ANKRD6: variants seen among roughly 807,000 people sequenced by gnomAD.
ANKRD6 encodes ankyrin repeat domain 6.
Under a neutral mutation model 82.3 loss-of-function variants are expected in ANKRD6, and 56 were observed. That is an observed-to-expected ratio of 0.68 (90% confidence interval 0.55 to 0.85). The LOEUF (loss-of-function observed/expected upper bound fraction) is 0.85, where lower values mean the gene tolerates loss of function less well. Ranked by LOEUF, ANKRD6 falls within the 40% of genes least tolerant of loss-of-function variation. The probability of loss-of-function intolerance (pLI) is 0.00; values close to 1 mark genes in which losing one functional copy is unlikely to be tolerated. For synonymous variants in ANKRD6, 347 were observed against 352.1 expected, an observed-to-expected ratio of 0.99 and a Z score of 0.16; for missense variants, 852 against 907.6, an observed-to-expected ratio of 0.94 and a Z score of 0.79.
At chr6:89,610,110 T>G (rs1799843844) in intron 5 of ANKRD6, among the ~76,000 whole-genome samples, 1 of 152,200 alleles carries the variant, frequency 6.6e-6, no homozygotes, top group African/African-American at 2.4e-5. Flanking sequence ...ATATCTACCC[T>G]AGGTCACATT....
intron 12 of ANKRD6, 59 bp from the exon 13 acceptor site, chr6:89,624,480 A>T (rs1212869513): frequency 6.5e-7 from 1 of 1,536,822 alleles, no homozygotes; most frequent in African/African-American, 1.4e-5. Context: ...GATGGTGCTC[A>T]AAACATACCT....
chr6:89,582,734 A>C (rs1245624434), intron 2 of ANKRD6, among the ~76,000 whole-genome samples: 1 of 151,376 alleles, frequency 6.6e-6, no homozygotes, highest in Non-Finnish European at 1.5e-5. Flanking sequence ...CCTTACCTAG[A>C]GGCAATGAAT....
chr6:89,567,232 A>G, intron 2 of ANKRD6, 136 bp downstream of exon 2: 2 of 1,252,208 alleles, frequency 1.6e-6, no homozygotes, highest in Non-Finnish European at 1.1e-6. Flanking sequence ...GTTTGGGGAG[A>G]AGGAGGATTA....
At chr6:89,439,748 G>C (rs945925665) in intron 1 of ANKRD6, among the ~76,000 whole-genome samples, 3 of 152,058 alleles carry the variant, frequency 2.0e-5, no homozygotes, top group African/African-American at 7.2e-5. Context: ...ACCCAGGCTG[G>C]AGTGCAGTAG....
chr6:89,555,526 ACCCTTGGGACCCTGGAGGTT>A (rs1184425861), intron 1 of ANKRD6, among the ~76,000 whole-genome samples: 1 of 152,024 alleles, frequency 6.6e-6, no homozygotes, highest in Non-Finnish European at 1.5e-5. Flanking sequence ...GGGTGATTTC[ACCCTTGGGACCCTGGAGGTT>A]GGAAGAGTAT....
chr6:89,569,215 C>T (rs1309285917), intron 2 of ANKRD6, among the ~76,000 whole-genome samples: 1 of 152,062 alleles, frequency 6.6e-6, no homozygotes, highest in Non-Finnish European at 1.5e-5. Flanking sequence ...GCGCCTGGCT[C>T]CTAGTAAAAA....
chr6:89,616,355 A>G (rs563628032), intron 7 of ANKRD6: 77 of 574,614 alleles, frequency 1.3e-4, no homozygotes, highest in Admixed American at 3.7e-4. Flanking sequence ...TCACTCAGAA[A>G]GAAAGGTGAT....
rs570543442 is a variant in ANKRD6 at position 89,546,803 on chromosome 6, A to C, written c.-143-20031A>C. ...AAACCACATTTAAGAGAAAAAGAAA[A>C]GAAGGAAAAAATGGGGAGATGTCCC... On this transcript the variant is annotated intron_variant, in intron 1 of 15. Transcript: ENST00000339746. Among the ~76,000 whole-genome samples the C allele has an allele frequency of 3.9e-5, 6 of 152,086 alleles. No homozygotes were observed. The East Asian group carries it at 1.2e-3, about 29-fold the overall frequency.
chr6:89,627,691 C>T lies in ANKRD6; in HGVS notation c.1480C>T (p.Arg494Ter), dbSNP rs760203748. The change falls in exon 14 of 16, where the codon CGA (arginine) becomes TGA (stop). Residue 494 changes from arginine (R) to a stop codon, truncating the protein, a stop_gained. Coordinates refer to ENST00000339746, the MANE Select transcript of ANKRD6 (RefSeq NM_001242809.2). LOFTEE classifies it high-confidence loss of function. ...SDTEKHEGEK[R>*]QISLVDELKT... is the part of the protein sequence containing the mutation. ...CACAGAGAAGCATGAGGGGGAGAAA[C>T]GACAGGTAGGAACCAGCATCTGCTA... The T allele has an allele frequency of 1.1e-5, 18 of 1,613,524 alleles. No homozygotes were observed. Among genetic ancestry groups the T allele is most frequent in the South Asian group, 4.4e-5 (4 of 91,072 alleles).
chr6:89,624,391 T>A, intron 12 of ANKRD6, 148 bp from the exon 13 acceptor site: 1 of 1,071,330 alleles, frequency 9.3e-7, no homozygotes, highest in Non-Finnish European at 1.3e-6. Flanking sequence ...ATTTGGCCTA[T>A]AAGATGTTCC....
In ANKRD6 at chr6:89,566,908, G is replaced by A. The variant is rs1788651546; in HGVS notation, c.-69G>A. 6.5e-7 allele frequency: 1 copy of A among 1,540,916 alleles called. No individual in the cohort carries two copies. The highest frequency in any genetic ancestry group is 1.4e-5 in the African/African-American group (1 of 72,894). ...TCTTTACCTCTGGGTGCCAGGCCGG[G>A]CCAGTGACTTCGTGTTGAGCTGAAG... is the stretch of plus-strand genomic sequence containing the variant. On this transcript the variant is annotated 5_prime_UTR_variant, in exon 2 of 16. Coordinates refer to ENST00000339746, the MANE Select transcript of ANKRD6 (RefSeq NM_001242809.2).
chr6:89,622,062 C>A, intron 10 of ANKRD6, 36 bp downstream of exon 10: 1 of 1,591,950 alleles, frequency 6.3e-7, no homozygotes, highest in South Asian at 1.1e-5. Context: ...CCACATCCAC[C>A]CATGCTCAGA....
intron 7 of ANKRD6, among the ~76,000 whole-genome samples, chr6:89,615,995 C>T (rs189236624): frequency 2.2e-3 from 336 of 152,268 alleles, no homozygotes; most frequent in Non-Finnish European, 3.4e-3. Flanking sequence ...TTGGTGTTTC[C>T]ACCCGCACAA....
chr6:89,622,012 G>T lies in ANKRD6; in HGVS notation c.883G>T (p.Val295Leu). ...AGCCCAGTCTGTGCCAAGAGATGAG[G>T]TGGCCCAAAGCAAGGTGGGGGGCAG... ...RRAQSVPRDEVAQSKGSVSAG... is the reference protein window; with the variant it reads ...RRAQSVPRDELAQSKGSVSAG... Residue 295 changes from valine to leucine, a missense_variant, in exon 10 of 16, where the codon GTG becomes TTG. Physicochemically the swap from Val to Leu is conservative, Grantham distance 32 (BLOSUM62 1). Transcript: ENST00000339746. The T allele has an allele frequency of 6.2e-7, 1 of 1,612,296 alleles. No individual in the cohort carries two copies. Among genetic ancestry groups the T allele is most frequent in the South Asian group, 1.1e-5 (1 of 91,006 alleles).
intron 1 of ANKRD6, among the ~76,000 whole-genome samples, chr6:89,442,843 A>G (rs1771595159): frequency 6.6e-6 from 1 of 152,158 alleles, no homozygotes; most frequent in Admixed American, 6.5e-5. Flanking sequence ...GGCCACCATT[A>G]GAGACCACAG....
intron 1 of ANKRD6, among the ~76,000 whole-genome samples, chr6:89,478,657 T>C (rs1166466941): frequency 1.3e-5 from 2 of 148,478 alleles, no homozygotes; most frequent in South Asian, 2.1e-4. Flanking sequence ...GGGGTGGTGC[T>C]GAGACAGGAG....
chr6:89,593,695 G>A (rs1044280666), intron 2 of ANKRD6, among the ~76,000 whole-genome samples: 2 of 152,164 alleles, frequency 1.3e-5, no homozygotes, highest in Non-Finnish European at 2.9e-5. Flanking sequence ...TATCAATAAA[G>A]GCCTTTGGGA....
rs775951069 is a variant in ANKRD6, at chr6:89,595,963, T to C, written c.168T>C (p.Pro56=). The change falls in exon 3 of 16, where the codon CCT becomes CCC. Residue 56 remains proline (P), a synonymous_variant. Transcript: ENST00000339746. ...TTGCTGCCAATAAGGGCCATCTTCCTGTGGTCCAGATCTTGCTGAAGGCTG... is the reference window on the plus strand; with the variant it reads ...TTGCTGCCAATAAGGGCCATCTTCCCGTGGTCCAGATCTTGCTGAAGGCTG... ...LHLAANKGHL[P]VVQILLKAGC... The C allele has an allele frequency of 6.2e-7, 1 of 1,611,146 alleles. No individual in the cohort carries two copies. Among genetic ancestry groups the C allele is most frequent in the Non-Finnish European group, 8.5e-7 (1 of 1,178,790 alleles).
chr6:89,469,093 G>T (rs1450636056), intron 1 of ANKRD6, among the ~76,000 whole-genome samples: 1 of 152,154 alleles, frequency 6.6e-6, no homozygotes, highest in Non-Finnish European at 1.5e-5. Context: ...GAAGAGAGGA[G>T]GATGCACCTG....
Sources: gnomAD v4.1 joint callset for allele counts (sites outside exome capture counted in the v4.1 genomes callset) on GRCh38, gnomAD v4.1.1 for gene constraint, MANE v1.5 for transcripts, NCBI Gene and HGNC (gene_info 2026-07-23, HGNC 2026-07-21) for gene names.